Variants in MS4A3 observed in about 807,000 individuals in gnomAD.
The protein encoded by MS4A3 is membrane-spanning 4-domains subfamily A member 3.
MS4A3 carries 18 observed loss-of-function variants against 24.7 expected under a neutral mutation model. The observed-to-expected ratio is 0.73, with a 90% CI of 0.50 to 1.08. The LOEUF is 1.08. MS4A3 is among the 50% of genes least tolerant of loss of function. The pLI is 0.00. For missense variants in MS4A3, 282 were observed against 251.7 expected (o/e 1.12, Z -0.82); for synonymous variants, 84 against 95.3 (o/e 0.88, Z 0.69).
intron 1 of MS4A3, among the ~76,000 whole-genome samples, chr11:60,059,249 C>G (rs1444012388): frequency 6.6e-6 from 1 of 152,000 alleles, no homozygotes; most frequent in Non-Finnish European, 1.5e-5. Flanking sequence ...ATGAGTCATA[C>G]ACACCCCCAG....
At chr11:60,059,468 G>T (rs1485795502) in intron 1 of MS4A3, among the ~76,000 whole-genome samples, 1 of 151,928 alleles carries the variant, frequency 6.6e-6, no homozygotes, top group Non-Finnish European at 1.5e-5. Flanking sequence ...GTGCCACAGG[G>T]GTGTGTTGTG....
chr11:60,070,606 T>G lies in MS4A3; in HGVS notation c.*373T>G, dbSNP rs1855459817. 6.0e-6 allele frequency: 1 copy of G among 165,828 alleles called. No homozygotes were observed. The highest frequency in any genetic ancestry group is 2.0e-4 in the South Asian group (1 of 4,952). 10.3% of individuals were successfully genotyped at this position (165,828 alleles called of 1,614,324 possible). On this transcript the variant is annotated 3_prime_UTR_variant, in exon 7 of 7. Transcript: ENST00000278865. ...GCGGTATAATCCCTATTCAATATAT[T>G]TTTTCTAAAATCCAACTTCTGACCG...
chr11:60,061,351 G>A (rs1442586833), intron 2 of MS4A3, 35 bp downstream of exon 2: 2 of 1,575,894 alleles, frequency 1.3e-6, no homozygotes, highest in Admixed American at 1.9e-5. Context: ...TGATTTAAGA[G>A]GGAAGAAAAT....
chr11:60,062,852 A>G (rs1191566650), intron 3 of MS4A3, among the ~76,000 whole-genome samples: 3 of 152,144 alleles, frequency 2.0e-5, no homozygotes, highest in African/African-American at 7.2e-5. Flanking sequence ...GTGCAGTGGC[A>G]TGATCTCTGC....
Position 60,061,245 on chromosome 11 carries a change from C to A in MS4A3, c.85C>A (p.Leu29Met). The stretch of plus-strand genomic sequence containing the variant: ...AGGCAGTGAGGCGGGACCAGAAGAG[C>A]TGAATACTTCTGTCTACCAGCCCAT... ...TPGSEAGPEE[L>M]NTSVYQPIDG... The change falls in exon 2 of 7, where the codon CTG (leucine) becomes ATG (methionine). Residue 29 changes from leucine (L) to methionine (M), a missense_variant. Transcript: ENST00000278865. The A allele has an allele frequency of 3.1e-6, 5 of 1,613,914 alleles. No homozygotes were observed. The highest frequency in any genetic ancestry group is 4.2e-6 in the Non-Finnish European group (5 of 1,179,910).
At chr11:60,057,812 G>A (rs1167342889) in intron 1 of MS4A3, among the ~76,000 whole-genome samples, 2 of 152,096 alleles carry the variant, frequency 1.3e-5, no homozygotes, top group Non-Finnish European at 2.9e-5. Flanking sequence ...TTGATTATTT[G>A]AAACAAATCA....
At chr11:60,069,526 C>A in intron 5 of MS4A3, 48 bp from the exon 6 acceptor site, 2 of 1,298,680 alleles carry the variant, frequency 1.5e-6, no homozygotes, top group Non-Finnish European at 2.2e-6. Flanking sequence ...TTTTTTTTTA[C>A]CTCTGGATGT....
At position 60,070,416 on chromosome 11, in the gene MS4A3, A is replaced by G. The variant is rs1855456798; in HGVS notation, c.*183A>G. 1.8e-6 allele frequency: 1 copy of G among 547,182 alleles called. No homozygotes were observed. The highest frequency in any genetic ancestry group is 3.2e-6 in the Non-Finnish European group (1 of 312,570). 33.9% of individuals were successfully genotyped at this position (547,182 alleles called of 1,614,324 possible). A position where few individuals can be genotyped will look rare whatever the true frequency, so the allele number is the denominator to read the frequency against. ...ACTCTATCCTTTCTCTCCTAACTAT[A>G]AATCCTATTTGTGTGTCGTGGGTAT... On this transcript the variant is annotated 3_prime_UTR_variant, in exon 7 of 7. Coordinates refer to ENST00000278865, the MANE Select transcript of MS4A3 (RefSeq NM_006138.5).
intron 1 of MS4A3, among the ~76,000 whole-genome samples, chr11:60,060,082 G>A (rs1471932756): frequency 2.6e-5 from 4 of 152,142 alleles, no homozygotes; most frequent in Non-Finnish European, 5.9e-5. Context: ...CATTCTGTGT[G>A]TACTTTAGTG....
chr11:60,057,779 G>T (rs964951091), intron 1 of MS4A3, among the ~76,000 whole-genome samples: 2 of 152,068 alleles, frequency 1.3e-5, no homozygotes, highest in Non-Finnish European at 2.9e-5. Flanking sequence ...TCACCTGGAG[G>T]CTGAAAATTC....
At chr11:60,061,616 A>T (rs1381512468) in intron 2 of MS4A3, 4 of 372,500 alleles carry the variant, frequency 1.1e-5, no homozygotes, top group Admixed American at 3.6e-5. Flanking sequence ...AGCTTATTGT[A>T]TATAATATGT....
At chr11:60,069,482 G>T in intron 5 of MS4A3, 92 bp from the exon 6 acceptor site, 1 of 775,320 alleles carries the variant, frequency 1.3e-6, no homozygotes, top group Non-Finnish European at 2.2e-6. Context: ...CTTTACGGGA[G>T]GGAGATGTTG....
Position 60,062,481 on chromosome 11 carries a change from T to C in MS4A3, c.170T>C (p.Leu57Pro). ...KLQVLGAIQI[L>P]NAAMILALGV... is the part of the protein sequence containing the mutation. ...TTCTTCTTTCAGGCCATCCAGATCC[T>C]GAATGCAGCAATGATTCTGGCTTTG... The change falls in exon 3 of 7, where the codon CTG becomes CCG. Residue 57 changes from leucine to proline, a missense_variant. Transcript: ENST00000278865. 1 of 1,614,128 alleles carries C rather than the reference T, an allele frequency of 6.2e-7. No individual in the cohort carries two copies. The highest frequency in any genetic ancestry group is 8.5e-7 in the Non-Finnish European group (1 of 1,179,988).
chr11:60,066,998 A>G lies in MS4A3; in HGVS notation c.399A>G (p.Leu133=). The change falls in exon 5 of 7, where the codon CTA becomes CTG. Residue 133 remains leucine (L), a synonymous_variant. Coordinates refer to ENST00000278865, the MANE Select transcript of MS4A3 (RefSeq NM_006138.5). ...GMNIASATIA[L]VGTAFLSLNI... is the part of the protein sequence containing the mutation. ...ACATTGCCAGTGCTACAATTGCACT[A>G]GTGGGGACTGCTTTTCTCTCACTAA... is the stretch of plus-strand genomic sequence containing the variant. 6.2e-7 allele frequency: 1 copy of G among 1,612,628 alleles called. No individual in the cohort carries two copies. The highest frequency in any genetic ancestry group is 1.1e-5 in the South Asian group (1 of 90,900).
In MS4A3 at chr11:60,062,508, G is replaced by T; in HGVS notation, c.197G>T (p.Gly66Val). 1 of 1,613,992 alleles carries T rather than the reference G, an allele frequency of 6.2e-7. No homozygotes were observed. The highest frequency in any genetic ancestry group is 8.5e-7 in the Non-Finnish European group (1 of 1,179,970). Reference protein sequence around the residue: ...ILNAAMILALGVFLGSLQYPY... With the variant: ...ILNAAMILALVVFLGSLQYPY... ...AATGCAGCAATGATTCTGGCTTTGGGTGTCTTTCTGGGTTCCTTGCAATAC... is the reference window on the plus strand; with the variant it reads ...AATGCAGCAATGATTCTGGCTTTGGTTGTCTTTCTGGGTTCCTTGCAATAC... Residue 66 changes from glycine to valine, a missense_variant, in exon 3 of 7, where the codon GGT becomes GTT. Coordinates refer to ENST00000278865, the MANE Select transcript of MS4A3 (RefSeq NM_006138.5).
intron 5 of MS4A3, among the ~76,000 whole-genome samples, chr11:60,067,992 C>T (rs1226039531): frequency 2.6e-5 from 4 of 151,766 alleles, no homozygotes; most frequent in Admixed American, 2.0e-4. Context: ...GCGGAGGTTG[C>T]GGTGAGCCGA....
intron 2 of MS4A3, 22 bp from the exon 3 acceptor site, chr11:60,062,445 CT>C (rs1418519675): frequency 3.7e-6 from 6 of 1,612,902 alleles, no homozygotes; most frequent in East Asian, 4.5e-5. Flanking sequence ...ACTGTTACGC[CT>C]TTTTCCCCTT....
chr11:60,063,924 T>A (rs1407281938), intron 3 of MS4A3, among the ~76,000 whole-genome samples: 1 of 152,056 alleles, frequency 6.6e-6, no homozygotes, highest in African/African-American at 2.4e-5. Context: ...GTGTATACTG[T>A]TTGGGTGATG....
intron 4 of MS4A3, among the ~76,000 whole-genome samples, chr11:60,064,836 G>C (rs899269069): frequency 2.1e-4 from 32 of 152,176 alleles, no homozygotes; most frequent in African/African-American, 7.2e-4. Flanking sequence ...TGATTTTTCT[G>C]TCTCTTCTGA....
Sources: gnomAD v4.1 joint callset for allele counts (sites outside exome capture counted in the v4.1 genomes callset) on GRCh38, gnomAD v4.1.1 for gene constraint, MANE v1.5 for transcripts, NCBI Gene and HGNC (gene_info 2026-07-23, HGNC 2026-07-21) for gene names.